Variants in TGFBRAP1 observed in about 807,000 individuals in gnomAD.
The protein encoded by TGFBRAP1 is transforming growth factor beta receptor associated protein 1.
TGFBRAP1 carries 20 observed loss-of-function variants against 83.2 expected under a neutral mutation model. The ratio of observed to expected loss-of-function variants is 0.24; its 90% CI spans 0.17 to 0.35. The LOEUF (loss-of-function observed/expected upper bound fraction) is 0.35. TGFBRAP1 is among the 10% of genes least tolerant of loss of function. TGFBRAP1 has a pLI of 1.00. For synonymous variants in TGFBRAP1, 415 were observed against 459.8 expected, an observed-to-expected ratio of 0.90 and a Z score of 1.25; for missense variants, 950 against 1,099.4, an observed-to-expected ratio of 0.86 and a Z score of 1.92.
intron 8 of TGFBRAP1, among the ~76,000 whole-genome samples, chr2:105,274,318 GCA>G (rs1410359957): frequency 6.6e-6 from 1 of 152,202 alleles, no homozygotes; most frequent in East Asian, 1.9e-4. Context: ...GCTCTCCACT[GCA>G]CCTCCCCTGA....
intron 6 of TGFBRAP1, among the ~76,000 whole-genome samples, chr2:105,279,489 G>C (rs1360715232): frequency 1.3e-5 from 2 of 151,994 alleles, no homozygotes; most frequent in Non-Finnish European, 2.9e-5. Context: ...TCAAACTCCT[G>C]GGCTCAAGCA....
At chr2:105,254,425 TTA>T in the TGFBRAP1 span, among the ~76,000 whole-genome samples, 3 of 152,152 alleles carry the variant, frequency 2.0e-5, no homozygotes, top group Admixed American at 6.6e-5. Flanking sequence ...TTAGGAGGCA[TTA>T]TTCAAGAACT....
At chr2:105,279,132 A>T (rs75355211) in intron 6 of TGFBRAP1, among the ~76,000 whole-genome samples, 1,744 of 152,320 alleles carry the variant, frequency 0.011, 42 homozygotes, top group African/African-American at 0.04. Context: ...AGTGAGGCCT[A>T]GAATGGTTGG....
intron 4 of TGFBRAP1, 92 bp from the exon 5 acceptor site, chr2:105,284,490 A>G: frequency 8.8e-7 from 1 of 1,136,112 alleles, no homozygotes; most frequent in South Asian, 1.3e-5. Flanking sequence ...TGTTCGTTAT[A>G]ACATAGAAAT....
intron 2 of TGFBRAP1, among the ~76,000 whole-genome samples, chr2:105,305,672 A>G (rs1394358235): frequency 6.6e-6 from 1 of 152,062 alleles, no homozygotes; most frequent in Non-Finnish European, 1.5e-5. Context: ...AATTAATTTT[A>G]TTTACTTTTT....
intron 2 of TGFBRAP1, among the ~76,000 whole-genome samples, chr2:105,303,738 A>G (rs1678387379): frequency 6.6e-6 from 1 of 152,218 alleles, no homozygotes; most frequent in Admixed American, 6.5e-5. Context: ...ACCACTAGGA[A>G]GTGGTCTTGC....
chr2:105,254,851 A>T, the TGFBRAP1 span, among the ~76,000 whole-genome samples: 1 of 151,954 alleles, frequency 6.6e-6, no homozygotes. Context: ...AGAGGTAGAG[A>T]CCCCAGAGCT....
At chr2:105,252,994 T>C in the TGFBRAP1 span, among the ~76,000 whole-genome samples, 3 of 152,292 alleles carry the variant, frequency 2.0e-5, no homozygotes, top group East Asian at 5.8e-4. Flanking sequence ...GACCTCGTGA[T>C]CTGCCCGCCT....
intron 8 of TGFBRAP1, among the ~76,000 whole-genome samples, chr2:105,275,095 G>A (rs1677290752): frequency 6.6e-6 from 1 of 152,150 alleles, no homozygotes; most frequent in African/African-American, 2.4e-5. Flanking sequence ...AGGCCCACAA[G>A]CTCCATGTTG....
chr2:105,303,134 C>T (rs181184725), intron 2 of TGFBRAP1, among the ~76,000 whole-genome samples: 5 of 152,326 alleles, frequency 3.3e-5, no homozygotes, highest in African/African-American at 4.8e-5. Context: ...ATTATCTTTA[C>T]AAACATATAC....
At position 105,269,254 on chromosome 2, in the gene TGFBRAP1, G is replaced by A. The variant is rs565327314; in HGVS notation, c.2406+18C>T. On this transcript the variant is annotated intron_variant, in intron 11 of 11. Transcript: ENST00000393359. This position sits in a 1 kb window ranked among gnomAD's most constrained non-coding sequence, Gnocchi z 4.1. ...ATGTTGACTGACCAGGAAGCAGCTC[G>A]TGGGGGCCAGCACTTACCTTATCGT... 8.9e-6 allele frequency: 14 copies of A among 1,565,746 alleles called. No individual in the cohort carries two copies. Among genetic ancestry groups the A allele is most frequent in the South Asian group, 7.0e-5 (6 of 85,630 alleles).
At chr2:105,293,999 A>G (rs1197039395) in intron 4 of TGFBRAP1, among the ~76,000 whole-genome samples, 1 of 152,186 alleles carries the variant, frequency 6.6e-6, no homozygotes, top group Admixed American at 6.5e-5. Flanking sequence ...GCGAGGTATC[A>G]AAACTATTTT....
At position 105,280,592 on chromosome 2, in the gene TGFBRAP1, T is replaced by C. The variant is rs1233931475; in HGVS notation, c.1253A>G (p.Gln418Arg). 1.2e-5 allele frequency: 19 copies of C among 1,614,022 alleles called. No homozygotes were observed. The highest frequency in any genetic ancestry group is 1.4e-5 in the Non-Finnish European group (16 of 1,180,028). The change falls in exon 6 of 12, where the codon CAG becomes CGG. Residue 418 changes from glutamine (Q) to arginine (R), a missense_variant. Coordinates refer to ENST00000393359, the MANE Select transcript of TGFBRAP1 (RefSeq NM_004257.6). ...ADLNQLTQGDQEKMAKCKRFL... is the reference protein window; with the variant it reads ...ADLNQLTQGDREKMAKCKRFL... ...GCGTTTGCACTTGGCCATCTTCTCC[T>C]GGTCCCCCTGGGTCAGCTGGTTCAG...
At chr2:105,251,559 G>T in the TGFBRAP1 span, among the ~76,000 whole-genome samples, 43 of 150,734 alleles carry the variant, frequency 2.9e-4, no homozygotes, top group Admixed American at 2.8e-3. Flanking sequence ...ACCCCGTCTG[G>T]GAGGTGAGGG....
At chr2:105,311,401 C>T (rs1033687385) in intron 1 of TGFBRAP1, among the ~76,000 whole-genome samples, 34 of 151,900 alleles carry the variant, frequency 2.2e-4, no homozygotes, top group African/African-American at 8.2e-4. Flanking sequence ...AATGACTTAT[C>T]CTTAACCCTG....
At chr2:105,300,025 C>T (rs956006889) in intron 2 of TGFBRAP1, among the ~76,000 whole-genome samples, 1 of 152,152 alleles carries the variant, frequency 6.6e-6, no homozygotes, top group Non-Finnish European at 1.5e-5. Flanking sequence ...AATGGCACAC[C>T]TTTTAAAACC....
downstream of TGFBRAP1, among the ~76,000 whole-genome samples, chr2:105,263,375 T>C (rs1676834230): frequency 6.6e-6 from 1 of 152,226 alleles, no homozygotes; most frequent in African/African-American, 2.4e-5. Flanking sequence ...GTTCTGGTTA[T>C]CTCCTCATGG....
In TGFBRAP1 at chr2:105,273,628, T is replaced by C; in HGVS notation, c.1728A>G (p.Pro576=). Residue 576 remains proline (P), a synonymous_variant, in exon 9 of 12, where the codon CCA becomes CCG. Coordinates refer to ENST00000393359, the MANE Select transcript of TGFBRAP1 (RefSeq NM_004257.6). Reference sequence around the variant, plus strand: ...TTTTAAGGCAATTGATAATGTCGTCTGGATTAAAACTGTTCTTCTGCTGTT... The same window carrying C: ...TTTTAAGGCAATTGATAATGTCGTCCGGATTAAAACTGTTCTTCTGCTGTT... The part of the protein sequence containing the change: ...LDEQQKNSFN[P]DDIINCLKKY... The C allele has an allele frequency of 6.2e-7, 1 of 1,614,250 alleles. No individual in the cohort carries two copies. The highest frequency in any genetic ancestry group is 8.5e-7 in the Non-Finnish European group (1 of 1,180,046).
chr2:105,316,465 G>A (rs529766442), intron 1 of TGFBRAP1, among the ~76,000 whole-genome samples: 2,272 of 58,460 alleles, frequency 0.039, 91 homozygotes, highest in African/African-American at 0.11. Context: ...GTGTGTGTGC[G>A]CGCGCGCGCG....
Sources: gnomAD v4.1 joint callset for allele counts (sites outside exome capture counted in the v4.1 genomes callset) on GRCh38, gnomAD v4.1.1 for gene constraint, Gnocchi (gnomAD v3.1) non-coding constraint, MANE v1.5 for transcripts, NCBI Gene and HGNC (gene_info 2026-07-23, HGNC 2026-07-21) for gene names.